The following TECRL variants were observed in gnomAD, a reference collection of about 807,000 sequenced individuals.
TECRL encodes trans-2,3-enoyl-CoA reductase like.
A neutral mutation model predicts 52.8 loss-of-function variants in TECRL; 63 were observed. The observed-to-expected ratio is 1.19, with a 90% CI of 0.97 to 1.47. The LOEUF is 1.47. TECRL is among the 40% of genes most tolerant of loss of function. TECRL has a pLI of 0.00. For synonymous variants in TECRL, 164 were observed against 141.9 expected (o/e 1.16, Z -1.10); for missense variants, 482 against 429.6 (o/e 1.12, Z -1.08).
At chr4:64,389,019 T>A (rs910238459) in intron 1 of TECRL, among the ~76,000 whole-genome samples, 1 of 151,782 alleles carries the variant, frequency 6.6e-6, no homozygotes, top group Non-Finnish European at 1.5e-5. Context: ...TTTCCTTGGG[T>A]TTTTCCAGAC....
At chr4:64,375,903 A>C (rs1349612863) in intron 1 of TECRL, among the ~76,000 whole-genome samples, 2 of 151,914 alleles carry the variant, frequency 1.3e-5, no homozygotes, top group Non-Finnish European at 2.9e-5. Context: ...AAATACTTCA[A>C]GCCATCGCAA....
chr4:64,338,712 G>A (rs896289048), intron 2 of TECRL, among the ~76,000 whole-genome samples: 1 of 152,164 alleles, frequency 6.6e-6, no homozygotes, highest in Non-Finnish European at 1.5e-5. Flanking sequence ...TCAGAGAAAT[G>A]CAAATCAAAA....
intron 1 of TECRL, among the ~76,000 whole-genome samples, chr4:64,406,159 CGCGCGCGT>C (rs1172791550): frequency 1.3e-5 from 2 of 150,032 alleles, no homozygotes; most frequent in Non-Finnish European, 3.0e-5. Flanking sequence ...CGCGCGCGCG[CGCGCGCGT>C]GTGTGTGTGT....
At chr4:64,285,866 G>T (rs1723053350) in intron 9 of TECRL, among the ~76,000 whole-genome samples, 1 of 152,144 alleles carries the variant, frequency 6.6e-6, no homozygotes, top group Non-Finnish European at 1.5e-5. Flanking sequence ...AAAGGGAAGG[G>T]AAAGAAGGAA....
intron 5 of TECRL, among the ~76,000 whole-genome samples, chr4:64,312,785 AAT>A (rs1717134504): frequency 6.6e-6 from 1 of 150,672 alleles, no homozygotes; most frequent in Non-Finnish European, 1.5e-5. Context: ...AAAAAATGTA[AAT>A]ATGAGTCAAT....
At chr4:64,304,087 A>G (rs1040895176) in intron 7 of TECRL, among the ~76,000 whole-genome samples, 2 of 151,934 alleles carry the variant, frequency 1.3e-5, no homozygotes, top group Non-Finnish European at 2.9e-5. Context: ...TGTTTTACAT[A>G]TATTAACAAA....
chr4:64,302,853 C>T (rs916652821), intron 7 of TECRL, among the ~76,000 whole-genome samples: 1 of 151,296 alleles, frequency 6.6e-6, no homozygotes, highest in African/African-American at 2.4e-5. Flanking sequence ...CTGAAAACAG[C>T]TTTAATATAT....
intron 2 of TECRL, among the ~76,000 whole-genome samples, chr4:64,351,164 A>G (rs1720364229): frequency 1.3e-5 from 2 of 150,632 alleles, no homozygotes; most frequent in South Asian, 2.1e-4. Flanking sequence ...AGGGGCATGA[A>G]GAGAGATTGG....
chr4:64,279,931 A>C lies in TECRL; in HGVS notation c.*141T>G. Reference sequence around the variant, plus strand: ...ATGTGCATTTCTCTAAATTTAGTGAAATTTTACTATTTTATATTTTTACTC... The same window carrying C: ...ATGTGCATTTCTCTAAATTTAGTGACATTTTACTATTTTATATTTTTACTC... On this transcript the variant is annotated 3_prime_UTR_variant, in exon 12 of 12. Coordinates refer to ENST00000381210, the MANE Select transcript of TECRL (RefSeq NM_001010874.5). 1 of 1,243,986 alleles carries C rather than the reference A, an allele frequency of 8.0e-7. No individual in the cohort carries two copies. Among genetic ancestry groups the C allele is most frequent in the Non-Finnish European group, 1.0e-6 (1 of 987,302 alleles). The allele number at this position is 1,243,986 out of a possible 1,614,324, so 77.1% of individuals were successfully genotyped here.
In TECRL at chr4:64,289,690, AAAAAG is replaced by A. The variant is rs1235047677; in HGVS notation, c.832+15_832+19del. 4.7e-6 allele frequency: 7 copies of A among 1,498,148 alleles called. No individual in the cohort carries two copies. In the African/African-American group the frequency reaches 1.0e-4, roughly 22 times the overall value. The allele number at this position is 1,498,148 out of a possible 1,614,324, so 92.8% of individuals were successfully genotyped here. Reference sequence around the variant, plus strand: ...TAACATAATTCACTCTAAAGAAAAGAAAAAGAAAAAAGAACTAACCTGTGTGATTG... The same window carrying A: ...TAACATAATTCACTCTAAAGAAAAGAAAAAAAGAACTAACCTGTGTGATTG... On this transcript the variant is annotated intron_variant, in intron 9 of 11. Coordinates refer to ENST00000381210, the MANE Select transcript of TECRL (RefSeq NM_001010874.5).
At chr4:64,303,490 C>G (rs1388914306) in intron 7 of TECRL, among the ~76,000 whole-genome samples, 1 of 151,728 alleles carries the variant, frequency 6.6e-6, no homozygotes, top group East Asian at 1.9e-4. Context: ...ACCTCTTGCA[C>G]AGTTTACTGT....
intron 2 of TECRL, among the ~76,000 whole-genome samples, chr4:64,329,334 G>A (rs1718472986): frequency 6.6e-6 from 1 of 151,592 alleles, no homozygotes; most frequent in South Asian, 2.1e-4. Context: ...ATTTTTAAAG[G>A]AATTTTCCAC....
At chr4:64,319,911 A>C (rs1305346361) in intron 4 of TECRL, among the ~76,000 whole-genome samples, 1 of 151,950 alleles carries the variant, frequency 6.6e-6, no homozygotes, top group African/African-American at 2.4e-5. Context: ...ATGGAGATGA[A>C]GAACACATCA....
chr4:64,342,635 T>C (rs1719667413), intron 2 of TECRL, among the ~76,000 whole-genome samples: 1 of 152,116 alleles, frequency 6.6e-6, no homozygotes, highest in Admixed American at 6.6e-5. Context: ...CTCAGGTAAA[T>C]GATTTCCATG....
At chr4:64,323,117 AG>A (rs1459627829) in intron 3 of TECRL, among the ~76,000 whole-genome samples, 1 of 152,036 alleles carries the variant, frequency 6.6e-6, no homozygotes, top group East Asian at 1.9e-4. Context: ...GTGTAATTTT[AG>A]GACAGGTGTG....
chr4:64,306,913 A>T (rs1006115442), intron 6 of TECRL, among the ~76,000 whole-genome samples: 1 of 152,222 alleles, frequency 6.6e-6, no homozygotes, highest in African/African-American at 2.4e-5. Flanking sequence ...ACACAAAGTT[A>T]CAGGCTAACA....
chr4:64,375,655 T>C (rs891484652), intron 1 of TECRL, among the ~76,000 whole-genome samples: 42 of 152,000 alleles, frequency 2.8e-4, no homozygotes, highest in African/African-American at 9.1e-4. Context: ...TACCTCAGAA[T>C]TTTATGAGAC....
chr4:64,404,094 T>C (rs1173572923), intron 1 of TECRL, among the ~76,000 whole-genome samples: 4 of 152,026 alleles, frequency 2.6e-5, no homozygotes, highest in Non-Finnish European at 5.9e-5. Flanking sequence ...GCACTCTTAC[T>C]ATCCTGTAAT....
In TECRL at chr4:64,280,089, T is replaced by A. The variant is rs1722741241; in HGVS notation, c.1075A>T (p.Ile359Phe). Residue 359 changes from isoleucine to phenylalanine, a missense_variant, in exon 12 of 12, where the codon ATT (isoleucine) becomes TTT (phenylalanine). Transcript: ENST00000381210. Reference protein sequence around the residue: ...NSYIHRKSAMIPFIL With the variant: ...NSYIHRKSAMFPFIL ...TTCTTTTTTTACAATATGAATGGAA[T>A]CATTGCTGATTTTCTATGAATATAT... The A allele has an allele frequency of 6.3e-7, 1 of 1,593,940 alleles. No homozygotes were observed. Among genetic ancestry groups the A allele is most frequent in the Non-Finnish European group, 8.5e-7 (1 of 1,172,790 alleles).
Sources: allele counts gnomAD v4.1 joint callset (sites outside exome capture counted in the v4.1 genomes callset), GRCh38; gene constraint gnomAD v4.1.1; transcripts MANE v1.5; gene names NCBI Gene and HGNC (gene_info 2026-07-23, HGNC 2026-07-21).